Variants in KIF25 observed in about 807,000 individuals in gnomAD.
KIF25 encodes kinesin-like protein KIF25.
KIF25 carries 19 observed loss-of-function variants against 32.9 expected under a neutral mutation model. The observed-to-expected ratio is 0.58, with a 90% CI of 0.40 to 0.85. The LOEUF (loss-of-function observed/expected upper bound fraction) is 0.85. Among genes scored for constraint, KIF25 ranks in the 40% least tolerant of loss-of-function variants. The pLI, the probability that KIF25 is intolerant of heterozygous loss-of-function variation, is 0.00. For synonymous variants in KIF25, 225 were observed against 213.7 expected (o/e 1.05, Z -0.46); for missense variants, 485 against 507.0 (o/e 0.96, Z 0.42).
chr6:168,010,180 T>C (rs548333385), intron 4 of KIF25, among the ~76,000 whole-genome samples: 1 of 152,212 alleles, frequency 6.6e-6, no homozygotes, highest in East Asian at 1.9e-4. Flanking sequence ...AGTTTTTTAA[T>C]ATAGGCATTT....
chr6:168,043,955 C>T (rs1799171475), intron 12 of KIF25, among the ~76,000 whole-genome samples: 1 of 152,222 alleles, frequency 6.6e-6, no homozygotes, highest in Non-Finnish European at 1.5e-5. Flanking sequence ...GAGGGAGCCA[C>T]AGGGCCATGG....
chr6:168,022,768 G>GTT (rs61060025), intron 5 of KIF25, among the ~76,000 whole-genome samples: 5 of 121,620 alleles, frequency 4.1e-5, no homozygotes, highest in African/African-American at 9.0e-5. Flanking sequence ...TGTTGTTGTT[G>GTT]TTTTTTTTTT....
chr6:168,014,134 C>T (rs1454823015), intron 4 of KIF25, among the ~76,000 whole-genome samples: 1 of 152,054 alleles, frequency 6.6e-6, no homozygotes, highest in Non-Finnish European at 1.5e-5. Flanking sequence ...TTATCAATCC[C>T]CTCCTGTTAT....
chr6:168,003,021 G>A (rs548267044), intron 3 of KIF25, among the ~76,000 whole-genome samples: 58 of 152,314 alleles, frequency 3.8e-4, no homozygotes, highest in African/African-American at 1.2e-3. Flanking sequence ...GATAGGGAGC[G>A]GCTGTAATTC....
intron 5 of KIF25, among the ~76,000 whole-genome samples, chr6:168,020,247 G>A (rs1454284805): frequency 6.6e-6 from 1 of 152,172 alleles, no homozygotes; most frequent in East Asian, 1.9e-4. Flanking sequence ...CTTCTCCACA[G>A]AGCAATGCAA....
chr6:168,019,210 G>A (rs913914244), intron 5 of KIF25, among the ~76,000 whole-genome samples: 1 of 152,202 alleles, frequency 6.6e-6, no homozygotes, highest in Non-Finnish European at 1.5e-5. Context: ...GGCGCACCCA[G>A]TTAGGAGTAA....
At chr6:168,040,680 A>T (rs1364499621) in intron 10 of KIF25, among the ~76,000 whole-genome samples, 1 of 152,180 alleles carries the variant, frequency 6.6e-6, no homozygotes, top group Admixed American at 6.5e-5. Flanking sequence ...TGCATCCCAA[A>T]CCCAAAAGTC....
intron 2 of KIF25, among the ~76,000 whole-genome samples, chr6:168,000,171 C>T: frequency 7.7e-6 from 1 of 129,182 alleles, no homozygotes; most frequent in African/African-American, 3.0e-5. Context: ...CTGACCCTCC[C>T]CACTCCCATC....
intron 5 of KIF25, among the ~76,000 whole-genome samples, chr6:168,020,573 A>C (rs1024251606): frequency 1.3e-5 from 2 of 152,174 alleles, no homozygotes; most frequent in African/African-American, 4.8e-5. Context: ...CGTGAGCAAC[A>C]GTGTGAAGGC....
At chr6:168,004,857 A>T (rs1798556560) in intron 4 of KIF25, among the ~76,000 whole-genome samples, 1 of 152,226 alleles carries the variant, frequency 6.6e-6, no homozygotes, top group African/African-American at 2.4e-5. Flanking sequence ...CAGGTGGGAC[A>T]CAGTGGGACT....
At chr6:168,035,679 G>A (rs1041028253) in intron 8 of KIF25, 6 of 455,348 alleles carry the variant, frequency 1.3e-5, no homozygotes, top group Non-Finnish European at 2.7e-5. Flanking sequence ...CAGTCGCCTC[G>A]TTTCTAAAAT....
At chr6:168,015,940 C>T (rs1331778223) in intron 4 of KIF25, among the ~76,000 whole-genome samples, 1 of 152,104 alleles carries the variant, frequency 6.6e-6, no homozygotes, top group African/African-American at 2.4e-5. Context: ...TTTTCGTTTG[C>T]TTTTCTTTAT....
intron 2 of KIF25, among the ~76,000 whole-genome samples, chr6:168,001,984 G>A (rs560030055): frequency 2.6e-4 from 34 of 129,942 alleles, no homozygotes; most frequent in African/African-American, 7.8e-4. Context: ...ACCTTCAGGC[G>A]TAGCCTCAGG....
At chr6:168,037,308 G>A (rs1799038351) in intron 8 of KIF25, among the ~76,000 whole-genome samples, 1 of 152,226 alleles carries the variant, frequency 6.6e-6, no homozygotes, top group Admixed American at 6.5e-5. Flanking sequence ...AGATCTGGAT[G>A]AAAAACTCAG....
At chr6:168,009,317 C>G (rs1798617581) in intron 4 of KIF25, among the ~76,000 whole-genome samples, 1 of 151,360 alleles carries the variant, frequency 6.6e-6, no homozygotes, top group Non-Finnish European at 1.5e-5. Flanking sequence ...TTTTCTGCAT[C>G]TTTGGAGATG....
chr6:168,035,888 G>A (rs1799018585), intron 8 of KIF25: 3 of 422,146 alleles, frequency 7.1e-6, no homozygotes, highest in South Asian at 3.3e-5. Flanking sequence ...GACACGGACC[G>A]TGTCCTCCCT....
chr6:168,026,189 T>C (rs1798857902), intron 5 of KIF25, among the ~76,000 whole-genome samples: 1 of 152,136 alleles, frequency 6.6e-6, no homozygotes, highest in Non-Finnish European at 1.5e-5. Context: ...GGCACTGTGG[T>C]GGGGAAACCA....
At position 168,025,324 on chromosome 6, in the gene KIF25, C is replaced by T. The variant is rs532457583; in HGVS notation, c.-94-4168C>T. Reference sequence around the variant, plus strand: ...GCCGCTGCTCCAACTTCTCATTTCCCGCTCCTGCTTCATCTCTTGGAATAG... The same window carrying T: ...GCCGCTGCTCCAACTTCTCATTTCCTGCTCCTGCTTCATCTCTTGGAATAG... On this transcript the variant is annotated intron_variant, in intron 5 of 12. Transcript: ENST00000643607. Among the ~76,000 whole-genome samples the T allele has an allele frequency of 6.6e-5, 10 of 152,274 alleles. No homozygotes were observed. The South Asian group carries it at 8.3e-4, about 13-fold the overall frequency.
At chr6:168,035,813 C>G in intron 8 of KIF25, 1 of 456,046 alleles carries the variant, frequency 2.2e-6, no homozygotes, top group South Asian at 1.5e-5. Context: ...AGTGAGTGGC[C>G]CCGGGCAAGG....
Sources: allele counts gnomAD v4.1 joint callset (sites outside exome capture counted in the v4.1 genomes callset), GRCh38; gene constraint gnomAD v4.1.1; transcripts MANE v1.5; gene names NCBI Gene and HGNC (gene_info 2026-07-23, HGNC 2026-07-21).